STAB1: variants seen among roughly 807,000 people sequenced by gnomAD.
STAB1 encodes the protein stabilin-1.
In STAB1, 250 loss-of-function variants were observed where a neutral mutation model predicts 332.4. The ratio of observed to expected loss-of-function variants is 0.75; its 90% CI spans 0.68 to 0.84. STAB1 has a LOEUF of 0.84. Ranked by LOEUF, STAB1 falls within the 40% of genes least tolerant of loss-of-function variation. STAB1 has a pLI of 0.00. For missense variants in STAB1, 3,249 were observed against 3,489.7 expected, an observed-to-expected ratio of 0.93 and a Z score of 1.74; for synonymous variants, 1,475 against 1,390.4, an observed-to-expected ratio of 1.06 and a Z score of -1.35.
At chr3:52,517,477 G>T in intron 43 of STAB1, 73 bp from the exon 44 acceptor site, 2 of 1,592,836 alleles carry the variant, frequency 1.3e-6, no homozygotes, top group Middle Eastern at 1.7e-4. Flanking sequence ...CCGGGGAGGG[G>T]GGTGACCCTT....
Position 52,520,290 on chromosome 3 carries a change from C to G in STAB1, c.5499C>G (p.Ala1833=). The change falls in exon 52 of 69, where the codon GCC becomes GCG. Residue 1833 remains alanine (A), a splice_region_variant and synonymous_variant. Coordinates refer to ENST00000321725, the MANE Select transcript of STAB1 (RefSeq NM_015136.3). ...CTTTCTCCTGCAGCCGAACGCGGGCCGTGAGTCTGGGGAGAGGGCTTGGAT... is the reference window on the plus strand; with the variant it reads ...CTTTCTCCTGCAGCCGAACGCGGGCGGTGAGTCTGGGGAGAGGGCTTGGAT... ...PISFSCSRTR[A]GELMVGEDDA... The G allele has an allele frequency of 5.6e-6, 9 of 1,613,050 alleles. No homozygotes were observed. Among genetic ancestry groups the G allele is most frequent in the Non-Finnish European group, 7.6e-6 (9 of 1,180,024 alleles).
Position 52,524,219 on chromosome 3 carries a change from C to T in STAB1, c.7656+6C>T, listed in dbSNP as rs2079190431. 3 of 1,613,972 alleles carry T rather than the reference C, an allele frequency of 1.9e-6. No individual in the cohort carries two copies. In the South Asian group the frequency reaches 3.3e-5, roughly 18 times the overall value. On this transcript the variant is annotated splice_donor_region_variant and intron_variant, in intron 68 of 68. Coordinates refer to ENST00000321725, the MANE Select transcript of STAB1 (RefSeq NM_015136.3). Reference sequence around the variant, plus strand: ...CCTTTTGTGAACCCTTCGATGTAAGCATGGAAGTGAAGAAGTGTGGCAGAT... The same window carrying T: ...CCTTTTGTGAACCCTTCGATGTAAGTATGGAAGTGAAGAAGTGTGGCAGAT...
Position 52,512,627 on chromosome 3 carries a change from T to C in STAB1, c.3011T>C (p.Phe1004Ser), listed in dbSNP as rs1344720772. 1.2e-6 allele frequency: 2 copies of C among 1,613,728 alleles called. No individual in the cohort carries two copies. The highest frequency in any genetic ancestry group is 1.1e-5 in the South Asian group (1 of 91,092). The change falls in exon 28 of 69, where the codon TTC (phenylalanine) becomes TCC (serine). Residue 1004 changes from phenylalanine (F) to serine (S), a missense_variant. Physicochemically the swap from Phe to Ser is radical, Grantham distance 155. Coordinates refer to ENST00000321725, the MANE Select transcript of STAB1 (RefSeq NM_015136.3). Reference sequence around the variant, plus strand: ...GAGGCAAATGCCCACTTCTCCATCTTCTACCAATGGCTTAAGGTAGGACAG... The same window carrying C: ...GAGGCAAATGCCCACTTCTCCATCTCCTACCAATGGCTTAAGGTAGGACAG... Reference protein sequence around the residue: ...ELEANAHFSIFYQWLKSAGIT... With the variant: ...ELEANAHFSISYQWLKSAGIT...
Position 52,505,131 on chromosome 3 carries a change from T to C in STAB1, c.1506T>C (p.Pro502=). 1 of 1,613,028 alleles carries C rather than the reference T, an allele frequency of 6.2e-7. No homozygotes were observed. Among genetic ancestry groups the C allele is most frequent in the Non-Finnish European group, 8.5e-7 (1 of 1,179,834 alleles). ...GGTGGCAGGCCCCCTCTGGGACCCCTGGGGATCCCAAGGTGAGCCAGCATC... is the reference window on the plus strand; with the variant it reads ...GGTGGCAGGCCCCCTCTGGGACCCCCGGGGATCCCAAGGTGAGCCAGCATC... The part of the protein sequence containing the change: ...GLRWQAPSGT[P]GDPKRTIGQI... The change falls in exon 13 of 69, where the codon CCT becomes CCC. Residue 502 remains proline, a synonymous_variant. Coordinates refer to ENST00000321725, the MANE Select transcript of STAB1 (RefSeq NM_015136.3).
chr3:52,508,051 T>C (rs1709009738), intron 20 of STAB1, 25 bp downstream of exon 20: 2 of 1,599,050 alleles, frequency 1.3e-6, no homozygotes, highest in Non-Finnish European at 1.7e-6. Flanking sequence ...GGGTGCCCAC[T>C]CCCAGGTCAC....
chr3:52,508,994 T>C (rs970515638), intron 21 of STAB1, among the ~76,000 whole-genome samples: 1 of 152,232 alleles, frequency 6.6e-6, no homozygotes, highest in Non-Finnish European at 1.5e-5. Context: ...TATGTGTTTC[T>C]GCATCCAGCA....
At position 52,522,814 on chromosome 3, in the gene STAB1, G is replaced by A. The variant is rs1222765717; in HGVS notation, c.6784G>A (p.Gly2262Ser). The change falls in exon 62 of 69, where the codon GGC becomes AGC. Residue 2262 changes from glycine to serine, a missense_variant. Gly to Ser is a moderately conservative substitution (Grantham distance 56). Coordinates refer to ENST00000321725, the MANE Select transcript of STAB1 (RefSeq NM_015136.3). ...GTGCCTCATGGGCTGGCTGGCCAAT[G>A]GCTCCACTGCCCACCCTGTGGTTTT... is the stretch of plus-strand genomic sequence containing the variant. ...HLCLMGWLAN[G>S]STAHPVVFPV... 1.2e-6 allele frequency: 2 copies of A among 1,613,210 alleles called. No homozygotes were observed. Among genetic ancestry groups the A allele is most frequent in the African/African-American group, 2.7e-5 (2 of 74,940 alleles).
intron 65 of STAB1, 31 bp downstream of exon 65, chr3:52,523,607 C>T: frequency 1.2e-6 from 2 of 1,612,652 alleles, no homozygotes; most frequent in Non-Finnish European, 1.7e-6. Context: ...ACCCTGTTGG[C>T]CCTGGCCCTC....
In STAB1 at chr3:52,503,539, A is replaced by C; in HGVS notation, c.890A>C (p.Gln297Pro). Residue 297 changes from glutamine to proline, a missense_variant and splice_region_variant, in exon 8 of 69, where the codon CAG becomes CCG. Gln to Pro is a moderately conservative substitution (Grantham distance 76, BLOSUM62 -1). Transcript: ENST00000321725. ...STLCVYQKPG[Q>P]AFCTCRPGLV... ...TTGTGTGTGTACCAGAAGCCGGGCC[A>C]GGTGAGCCAGGGTCCCAGGCCGGAA... 6.2e-7 allele frequency: 1 copy of C among 1,612,976 alleles called. No individual in the cohort carries two copies. The highest frequency in any genetic ancestry group is 8.5e-7 in the Non-Finnish European group (1 of 1,179,700).
intron 20 of STAB1, 48 bp from the exon 21 acceptor site, chr3:52,508,225 G>T (rs777129328): frequency 6.4e-7 from 1 of 1,558,758 alleles, no homozygotes; most frequent in Non-Finnish European, 8.8e-7. Context: ...CCTGGGCAGG[G>T]AGGGCATGGA....
Position 52,510,527 on chromosome 3 carries a change from GGGTGGGGGCCTT to G in STAB1, c.2787+24_2787+35del. 6.2e-7 allele frequency: 1 copy of G among 1,607,424 alleles called. No individual in the cohort carries two copies. Among genetic ancestry groups the G allele is most frequent in the Non-Finnish European group, 8.5e-7 (1 of 1,176,480 alleles). ...GGGCAGGTGAGGTGCAGCAGAGAAG[GGGTGGGGGCCTT>G]GGTTCTGGGGGACTCTCTCCCTGCC... On this transcript the variant is annotated intron_variant, in intron 25 of 68. Coordinates refer to ENST00000321725, the MANE Select transcript of STAB1 (RefSeq NM_015136.3).
rs766475250 is a variant in STAB1, at chr3:52,506,159, C to T, written c.1750-11C>T. On this transcript the variant is annotated splice_polypyrimidine_tract_variant and intron_variant, in intron 16 of 68. Coordinates refer to ENST00000321725, the MANE Select transcript of STAB1 (RefSeq NM_015136.3). The stretch of plus-strand genomic sequence containing the variant: ...GAGCCCAGCCTAAAGCCACACTGTC[C>T]CTTGCCCCAGCTGACCGTTGAGAAG... 1.9e-6 allele frequency: 3 copies of T among 1,608,860 alleles called. No homozygotes were observed. The South Asian group carries it at 3.3e-5, about 18-fold the overall frequency.
Position 52,520,856 on chromosome 3 carries a change from C to G in STAB1, c.5759C>G (p.Pro1920Arg). Residue 1920 changes from proline (P) to arginine (R), a missense_variant, in exon 55 of 69, where the codon CCG becomes CGG. Physicochemically the swap from Pro to Arg is moderately radical, Grantham distance 103. Coordinates refer to ENST00000321725, the MANE Select transcript of STAB1 (RefSeq NM_015136.3). ...RFYPKFWTSPPLHSLGLRSVW... is the reference protein window; with the variant it reads ...RFYPKFWTSPRLHSLGLRSVW... ...TACCCGAAGTTCTGGACGTCCCCTC[C>G]GCTGCACTCTTTGGGATTACGCAGC... is the stretch of plus-strand genomic sequence containing the variant. 1 of 1,612,840 alleles carries G rather than the reference C, an allele frequency of 6.2e-7. No individual in the cohort carries two copies. The highest frequency in any genetic ancestry group is 8.5e-7 in the Non-Finnish European group (1 of 1,180,016).
In STAB1 at chr3:52,512,441, G is replaced by A; in HGVS notation, c.2979+5G>A. ...TGTTATGGAGACATCTTCCGGGTAA[G>A]GGGTGCTCAGACTCGTTTTCTGTCT... On this transcript the variant is annotated splice_donor_5th_base_variant and intron_variant, in intron 27 of 68. Coordinates refer to ENST00000321725, the MANE Select transcript of STAB1 (RefSeq NM_015136.3). The A allele has an allele frequency of 6.2e-7, 1 of 1,610,536 alleles. No individual in the cohort carries two copies. The highest frequency in any genetic ancestry group is 8.5e-7 in the Non-Finnish European group (1 of 1,178,176).
intron 44 of STAB1, 42 bp downstream of exon 44, chr3:52,517,666 G>C: frequency 6.2e-7 from 1 of 1,603,154 alleles, no homozygotes; most frequent in Non-Finnish European, 8.5e-7. Context: ...ACGAGAAGGA[G>C]AGGGGACTGA....
In STAB1 at chr3:52,516,727, C is replaced by A; in HGVS notation, c.4322C>A (p.Ala1441Asp). The change falls in exon 41 of 69, where the codon GCC becomes GAC. Residue 1441 changes from alanine (A) to aspartate (D), a missense_variant. By Grantham distance (126) the Ala-to-Asp change is moderately radical (BLOSUM62 -2). Transcript: ENST00000321725. The stretch of plus-strand genomic sequence containing the variant: ...GACTCGGCCGGAGCCTCCACCTGCG[C>A]CTGTGCTGCGGGATACTCCGGCAAT... ...VQDSAGASTC[A>D]CAAGYSGNGI... The A allele has an allele frequency of 3.7e-6, 6 of 1,611,982 alleles. No individual in the cohort carries two copies. Among genetic ancestry groups the A allele is most frequent in the Non-Finnish European group, 5.1e-6 (6 of 1,179,806 alleles).
intron 36 of STAB1, 50 bp from the exon 37 acceptor site, chr3:52,515,373 G>A (rs2078826033): frequency 1.9e-6 from 3 of 1,573,734 alleles, no homozygotes; most frequent in East Asian, 2.2e-5. Flanking sequence ...TCACTGCCCT[G>A]CCCCTGCCCA....
chr3:52,501,499 A>G, intron 2 of STAB1, 139 bp from the exon 3 acceptor site: 1 of 1,060,900 alleles, frequency 9.4e-7, no homozygotes, highest in Non-Finnish European at 1.4e-6. Context: ...GGCACCTGCT[A>G]TGTGCTAGGC....
At chr3:52,521,997 C>T in intron 58 of STAB1, 40 bp from the exon 59 acceptor site, 1 of 1,609,770 alleles carries the variant, frequency 6.2e-7, no homozygotes, top group East Asian at 2.2e-5. Flanking sequence ...CCCCACTCCC[C>T]TGCAGTCACT....
Sources: allele counts gnomAD v4.1 joint callset (sites outside exome capture counted in the v4.1 genomes callset), GRCh38; gene constraint gnomAD v4.1.1; transcripts MANE v1.5; gene names NCBI Gene and HGNC (gene_info 2026-07-23, HGNC 2026-07-21).